Variants in ARHGEF10 observed in about 807,000 individuals in gnomAD.
ARHGEF10 encodes the protein Rho guanine nucleotide exchange factor 10, also known as Rho guanine nucleotide exchange factor (GEF) 10.
ARHGEF10 carries 140 observed loss-of-function variants against 147.4 expected under a neutral mutation model. The observed-to-expected ratio is 0.95, with a 90% CI of 0.83 to 1.09. ARHGEF10 has a LOEUF of 1.09. Among genes scored for constraint, ARHGEF10 ranks in the 50% least tolerant of loss-of-function variants. The probability of loss-of-function intolerance (pLI) is 0.00; values close to 1 mark genes in which losing one functional copy is unlikely to be tolerated. For synonymous variants in ARHGEF10, 902 were observed against 695.8 expected, an observed-to-expected ratio of 1.30 and a Z score of -4.67; for missense variants, 2,222 against 1,752.7, an observed-to-expected ratio of 1.27 and a Z score of -4.78.
In ARHGEF10 at chr8:1,909,673, C is replaced by T. The variant is rs530501465; in HGVS notation, c.2143+203C>T. 8.2e-4 allele frequency among the ~76,000 whole-genome samples: 125 copies of T among 152,324 alleles called. 1 individual carries two copies. In the Middle Eastern group the frequency reaches 0.01, roughly 12 times the overall value. On this transcript the variant is annotated intron_variant, in intron 18 of 28. Coordinates refer to ENST00000349830, the MANE Select transcript of ARHGEF10 (RefSeq NM_014629.4). ...GGCTGCTCATCACTGACTTGTCCCA[C>T]GTGCAGCTGGGGCTCCTTCGGGTTC...
intron 5 of ARHGEF10, among the ~76,000 whole-genome samples, chr8:1,865,180 A>G (rs1806477227): frequency 6.6e-6 from 1 of 152,248 alleles, no homozygotes; most frequent in Non-Finnish European, 1.5e-5. Flanking sequence ...AAGTGCAAGA[A>G]TGCTCCTTGG....
chr8:1,874,891 C>CA lies in ARHGEF10; in HGVS notation c.680-1680_680-1679insA, dbSNP rs1207025255. 4.8e-3 allele frequency among the ~76,000 whole-genome samples: 193 copies of CA among 39,904 alleles called. 1 individual carries two copies. The highest frequency in any genetic ancestry group is 9.2e-3 in the East Asian group (8 of 874). The allele number at this position is 39,904 out of a possible 152,430, so 26.2% of individuals were successfully genotyped here. ...AGTCTGGTGGGAGAGTGCAGACACA[C>CA]CCGGGGCCGTGTAGGGGGTACAGGT... On this transcript the variant is annotated intron_variant, in intron 7 of 28. Coordinates refer to ENST00000349830, the MANE Select transcript of ARHGEF10 (RefSeq NM_014629.4).
At chr8:1,947,200 C>G (rs905686228) in intron 27 of ARHGEF10, among the ~76,000 whole-genome samples, 1 of 152,092 alleles carries the variant, frequency 6.6e-6, no homozygotes, top group African/African-American at 2.4e-5. Context: ...TCCATGTGTT[C>G]AAAGTTCTGT....
At chr8:1,874,305 C>T (rs772202370) in intron 7 of ARHGEF10, among the ~76,000 whole-genome samples, 2 of 152,152 alleles carry the variant, frequency 1.3e-5, no homozygotes, top group Non-Finnish European at 1.5e-5. Context: ...TAAGTAAAGG[C>T]GTCCAAACGT....
chr8:1,869,025 C>G (rs746673728), intron 6 of ARHGEF10, among the ~76,000 whole-genome samples, 169 bp from the exon 7 acceptor site: 2 of 151,972 alleles, frequency 1.3e-5, no homozygotes, highest in Admixed American at 1.3e-4. Context: ...CCCTCATTGT[C>G]TACTAGTTGG....
At chr8:1,862,332 A>T (rs62477521) in intron 4 of ARHGEF10, among the ~76,000 whole-genome samples, 1 of 152,224 alleles carries the variant, frequency 6.6e-6, no homozygotes, top group Non-Finnish European at 1.5e-5. Flanking sequence ...TGGAGCTCCC[A>T]GCTGGCCAAA....
intron 1 of ARHGEF10, among the ~76,000 whole-genome samples, chr8:1,832,429 GAGGC>G (rs1803189303): frequency 2.0e-5 from 3 of 150,070 alleles, no homozygotes; most frequent in African/African-American, 4.9e-5. Flanking sequence ...GAGAGAGACA[GAGGC>G]AGACAGAGGC....
intron 13 of ARHGEF10, 130 bp downstream of exon 13, chr8:1,894,702 G>A: frequency 9.6e-7 from 1 of 1,036,380 alleles, no homozygotes; most frequent in Admixed American, 2.0e-5. Flanking sequence ...CTAAAGGCCA[G>A]GCTGAAGTTG....
At chr8:1,881,843 G>A (rs1306005975) in intron 9 of ARHGEF10, among the ~76,000 whole-genome samples, 1 of 152,212 alleles carries the variant, frequency 6.6e-6, no homozygotes, top group African/African-American at 2.4e-5. Flanking sequence ...AGGTCCCTGG[G>A]ATGGGGACAT....
At chr8:1,939,639 C>T (rs1435506212) in intron 26 of ARHGEF10, among the ~76,000 whole-genome samples, 3 of 152,154 alleles carry the variant, frequency 2.0e-5, no homozygotes, top group Admixed American at 6.5e-5. Context: ...GCTAGCTGGT[C>T]GAGGGTGAGG....
rs773299028 is a variant in ARHGEF10, at chr8:1,928,645, G to A, written c.2916G>A (p.Glu972=). The stretch of plus-strand genomic sequence containing the variant: ...CCACGATCTGTGTAGGGACGGAGGA[G>A]GGAAGGTAGGGCATGCTCACTGCGT... ...DVPTICVGTE[E]GSISIYKSSQ... is the part of the protein sequence containing the mutation. Residue 972 remains glutamate, a synonymous_variant, in exon 24 of 29, where the codon GAG becomes GAA. Transcript: ENST00000349830. 34 of 1,613,976 alleles carry A rather than the reference G, an allele frequency of 2.1e-5. No individual in the cohort carries two copies. The highest frequency in any genetic ancestry group is 2.8e-5 in the Non-Finnish European group (33 of 1,180,036).
intron 2 of ARHGEF10, among the ~76,000 whole-genome samples, chr8:1,853,032 C>G (rs988110168): frequency 2.0e-5 from 3 of 152,062 alleles, no homozygotes; most frequent in Non-Finnish European, 4.4e-5. Context: ...AGAATGGTCC[C>G]CAGGTTAGAT....
At chr8:1,849,398 G>A (rs1804813566) in intron 2 of ARHGEF10, among the ~76,000 whole-genome samples, 3 of 151,624 alleles carry the variant, frequency 2.0e-5, no homozygotes, top group Admixed American at 6.6e-5. Context: ...TGCCGAGGAG[G>A]GCGTGGGCCG....
chr8:1,838,315 T>A (rs999450752), intron 1 of ARHGEF10, among the ~76,000 whole-genome samples: 1 of 152,232 alleles, frequency 6.6e-6, no homozygotes, highest in Non-Finnish European at 1.5e-5. Flanking sequence ...CATTGTTAAT[T>A]TTCTTTGTTG....
At chr8:1,897,361 T>C (rs574849667) in intron 14 of ARHGEF10, among the ~76,000 whole-genome samples, 2 of 152,030 alleles carry the variant, frequency 1.3e-5, no homozygotes, top group African/African-American at 4.8e-5. Flanking sequence ...TCTGGACAGC[T>C]GTGAGCTCTG....
chr8:1,878,054 A>G (rs1469278479), intron 8 of ARHGEF10, among the ~76,000 whole-genome samples: 1 of 152,140 alleles, frequency 6.6e-6, no homozygotes, highest in African/African-American at 2.4e-5. Flanking sequence ...AAACTCAAGG[A>G]GAATCTACTA....
At chr8:1,923,395 G>T in intron 19 of ARHGEF10, 73 bp from the exon 20 acceptor site, 8 of 1,596,096 alleles carry the variant, frequency 5.0e-6, no homozygotes, top group Non-Finnish European at 6.9e-6. Context: ...TTAAAATTGT[G>T]TCTTTTTATC....
Position 1,824,057 on chromosome 8 carries a change from A to ACAGCGGGGGACGGCGGGGAC in ARHGEF10, c.-85_-84insCCAGCGGGGGACGGCGGGGA. 1 of 126,308 alleles carries ACAGCGGGGGACGGCGGGGAC rather than the reference A, an allele frequency of 7.9e-6. No individual in the cohort carries two copies. Among genetic ancestry groups the ACAGCGGGGGACGGCGGGGAC allele is most frequent in the Admixed American group, 7.7e-5 (1 of 12,948 alleles). The allele number at this position is 126,308 out of a possible 1,614,324, so 7.8% of individuals were successfully genotyped here. A position where few individuals can be genotyped will look rare whatever the true frequency, so the allele number is the denominator to read the frequency against. ...GGGGAACAGCGGGGGACGGCGGGGAACAGCGGGGGACGGCGGGGAACAGCA... is the reference window on the plus strand; with the variant it reads ...GGGGAACAGCGGGGGACGGCGGGGAACAGCGGGGGACGGCGGGGACCAGCGGGGGACGGCGGGGAACAGCA... On this transcript the variant is annotated 5_prime_UTR_variant, in exon 1 of 29. Coordinates refer to ENST00000349830, the MANE Select transcript of ARHGEF10 (RefSeq NM_014629.4).
intron 18 of ARHGEF10, among the ~76,000 whole-genome samples, chr8:1,918,722 C>T (rs780374001): frequency 1.2e-4 from 19 of 152,144 alleles, no homozygotes; most frequent in African/African-American, 1.9e-4. Context: ...CTACATTAGA[C>T]GTCTTGAACC....
Sources: allele counts gnomAD v4.1 joint callset (sites outside exome capture counted in the v4.1 genomes callset), GRCh38; gene constraint gnomAD v4.1.1; transcripts MANE v1.5; gene names NCBI Gene and HGNC (gene_info 2026-07-23, HGNC 2026-07-21).